The following CAPN3 variants were observed in gnomAD, a reference collection of about 807,000 sequenced individuals.
CAPN3 encodes calpain 3.
CAPN3 carries 88 observed loss-of-function variants against 114.0 expected under a neutral mutation model. The observed-to-expected ratio is 0.77, with a 90% confidence interval of 0.65 to 0.92. CAPN3 has a LOEUF of 0.92. Among genes scored for constraint, CAPN3 ranks in the 40% least tolerant of loss-of-function variants. The probability of loss-of-function intolerance (pLI) is 0.00; values close to 1 mark genes in which losing one functional copy is unlikely to be tolerated. For synonymous variants in CAPN3, 386 were observed against 382.9 expected, an observed-to-expected ratio of 1.01 and a Z score of -0.09; for missense variants, 1,028 against 1,069.0, an observed-to-expected ratio of 0.96 and a Z score of 0.53.
intron 13 of CAPN3, 109 bp downstream of exon 13, chr15:42,403,111 G>C: frequency 1.2e-6 from 1 of 856,670 alleles, no homozygotes; most frequent in Non-Finnish European, 1.9e-6. Context: ...TCCTTCTGCT[G>C]CTCCTGAGCC....
intron 6 of CAPN3, among the ~76,000 whole-genome samples, chr15:42,390,790 G>GTTTTTTTTTTTTTTTTTT (rs373599109): frequency 1.2e-4 from 13 of 110,298 alleles, no homozygotes; most frequent in Non-Finnish European, 1.6e-4. Context: ...TTGTTTTTTT[G>GTTTTTTTTTTTTTTTTTT]TTTTTTTTTT....
At chr15:42,395,354 C>G (rs970940935) in intron 8 of CAPN3, among the ~76,000 whole-genome samples, 1 of 152,132 alleles carries the variant, frequency 6.6e-6, no homozygotes, top group African/African-American at 2.4e-5. Flanking sequence ...CCTAGGCTAC[C>G]CACCTGGGGA....
At chr15:42,374,186 AT>A (rs11341135) in intron 1 of CAPN3, 40,890 of 152,234 alleles carry the variant, frequency 0.27, 7,856 homozygotes, top group African/African-American at 0.54. Flanking sequence ...GAAGAGCTAT[AT>A]TAGGCTCCAG....
chr15:42,402,993 A>T lies in CAPN3; in HGVS notation c.1736A>T (p.Asn579Ile). The change falls in exon 13 of 24, where the codon AAC (asparagine) becomes ATC (isoleucine). Residue 579 changes from asparagine (N) to isoleucine (I), a missense_variant. Coordinates refer to ENST00000397163, the MANE Select transcript of CAPN3 (RefSeq NM_000070.3). ...CTCCGGGTCTTCTCTGAAAAGAGGA[A>T]CCTCTCTGAGTGAGTGCTGGCCCAG... ...FILRVFSEKR[N>I]LSEEVENTIS... 1 of 1,613,710 alleles carries T rather than the reference A, an allele frequency of 6.2e-7. No homozygotes were observed. The highest frequency in any genetic ancestry group is 1.1e-5 in the South Asian group (1 of 91,038).
At chr15:42,370,594 C>T (rs2052918221) in intron 1 of CAPN3, among the ~76,000 whole-genome samples, 1 of 152,126 alleles carries the variant, frequency 6.6e-6, no homozygotes, top group Non-Finnish European at 1.5e-5. Context: ...ACTGTCCTAG[C>T]CACAGAGAGG....
intron 1 of CAPN3, among the ~76,000 whole-genome samples, chr15:42,364,227 G>T (rs1287746609): frequency 6.6e-6 from 1 of 152,106 alleles, no homozygotes; most frequent in African/African-American, 2.4e-5. Flanking sequence ...TAACACTTAG[G>T]TAATCTTGGT....
Position 42,384,525 on chromosome 15 carries a change from A to G in CAPN3, c.352A>G (p.Arg118Gly), listed in dbSNP as rs1566973583. The change falls in exon 2 of 24, where the codon AGA becomes GGA. Residue 118 changes from arginine (R) to glycine (G), a missense_variant. Coordinates refer to ENST00000397163, the MANE Select transcript of CAPN3 (RefSeq NM_000070.3). ...CCGATTTATCATTGATGGAGCCAAC[A>G]GAACTGACATCTGTCAAGGAGAGCT... is the stretch of plus-strand genomic sequence containing the variant. Reference protein sequence around the residue: ...NPRFIIDGANRTDICQGELGD... With the variant: ...NPRFIIDGANGTDICQGELGD... The G allele has an allele frequency of 6.2e-7, 1 of 1,614,062 alleles. No individual in the cohort carries two copies. Among genetic ancestry groups the G allele is most frequent in the East Asian group, 2.2e-5 (1 of 44,880 alleles).
At chr15:42,397,624 A>G (rs534257427) in intron 9 of CAPN3, among the ~76,000 whole-genome samples, 1 of 151,614 alleles carries the variant, frequency 6.6e-6, no homozygotes, top group South Asian at 2.1e-4. Flanking sequence ...AGCCTGGGCG[A>G]CAAGAGAGAC....
At position 42,411,784 on chromosome 15, in the gene CAPN3, C is replaced by T. The variant is rs1353067448; in HGVS notation, c.*11C>T. On this transcript the variant is annotated 3_prime_UTR_variant, in exon 24 of 24. Coordinates refer to ENST00000397163, the MANE Select transcript of CAPN3 (RefSeq NM_000070.3). Reference sequence around the variant, plus strand: ...ACCATGTATGCCTGAACCAGGCTGGCCTCATCCAAAGCCATGCAGGATCAC... The same window carrying T: ...ACCATGTATGCCTGAACCAGGCTGGTCTCATCCAAAGCCATGCAGGATCAC... 7 of 1,610,470 alleles carry T rather than the reference C, an allele frequency of 4.3e-6. No homozygotes were observed. Among genetic ancestry groups the T allele is most frequent in the Non-Finnish European group, 5.9e-6 (7 of 1,178,516 alleles).
At position 42,410,653 on chromosome 15, in the gene CAPN3, A is replaced by G. The variant is rs1396899657; in HGVS notation, c.2250A>G (p.Ala750=). Residue 750 remains alanine (A), a synonymous_variant, in exon 21 of 24, where the codon GCA becomes GCG. Transcript: ENST00000397163. ...GTINSYEMRN[A]VNDAGFHLNN... ...TCAACAGCTACGAGATGCGAAATGCAGTCAACGACGCAGGTGCTGAGAAGG... is the reference window on the plus strand; with the variant it reads ...TCAACAGCTACGAGATGCGAAATGCGGTCAACGACGCAGGTGCTGAGAAGG... 3 of 1,613,736 alleles carry G rather than the reference A, an allele frequency of 1.9e-6. No individual in the cohort carries two copies. The highest frequency in any genetic ancestry group is 2.5e-6 in the Non-Finnish European group (3 of 1,179,780).
intron 8 of CAPN3, among the ~76,000 whole-genome samples, chr15:42,396,266 G>A (rs536579194): frequency 3.0e-4 from 43 of 141,048 alleles, no homozygotes; most frequent in African/African-American, 1.1e-3. Flanking sequence ...TTTTTGAGAC[G>A]GAGTCTCACT....
intron 1 of CAPN3, among the ~76,000 whole-genome samples, chr15:42,369,054 C>G (rs529244459): frequency 9.2e-5 from 14 of 152,240 alleles, no homozygotes; most frequent in African/African-American, 3.4e-4. Flanking sequence ...CAGGAGTACT[C>G]TCTCTTACAG....
chr15:42,398,337 C>T (rs1460934152), intron 9 of CAPN3, among the ~76,000 whole-genome samples: 1 of 152,076 alleles, frequency 6.6e-6, no homozygotes, highest in Admixed American at 6.5e-5. Context: ...GTAATCCCAG[C>T]ACCTTGGGAG....
At chr15:42,371,699 C>T (rs1020227762) in intron 1 of CAPN3, among the ~76,000 whole-genome samples, 4 of 152,180 alleles carry the variant, frequency 2.6e-5, no homozygotes, top group African/African-American at 4.8e-5. Flanking sequence ...CGTGGTGGCT[C>T]ATACCTGTAA....
chr15:42,386,895 T>C (rs570166013), intron 3 of CAPN3, among the ~76,000 whole-genome samples: 2 of 152,286 alleles, frequency 1.3e-5, no homozygotes, highest in East Asian at 1.9e-4. Context: ...TGTGAGGGTC[T>C]CGTAGCTTCC....
chr15:42,411,143 G>A (rs2054212320), intron 22 of CAPN3, 143 bp downstream of exon 22: 2 of 1,008,044 alleles, frequency 2.0e-6, no homozygotes, highest in Non-Finnish European at 3.2e-6. Flanking sequence ...GGATGGCAAA[G>A]GGAGGGTTAC....
intron 1 of CAPN3, among the ~76,000 whole-genome samples, chr15:42,377,197 G>GT (rs1421551101): frequency 6.6e-6 from 1 of 151,974 alleles, no homozygotes. Flanking sequence ...AGGACTTCCA[G>GT]TAGGACACTG....
chr15:42,404,077 C>T lies in CAPN3; in HGVS notation c.1782+300C>T, dbSNP rs188352483. 82 of 536,882 alleles carry T rather than the reference C, an allele frequency of 1.5e-4. No individual in the cohort carries two copies. In the East Asian group the frequency reaches 3.2e-3, roughly 21 times the overall value. The allele number at this position is 536,882 out of a possible 1,614,324, so 33.3% of individuals were successfully genotyped here. On this transcript the variant is annotated intron_variant, in intron 14 of 23. Transcript: ENST00000397163. Reference sequence around the variant, plus strand: ...GGCCACAGGAAGGGATGACAAGAGCCGCAGCGAACACTGGATTCTGAGACT... The same window carrying T: ...GGCCACAGGAAGGGATGACAAGAGCTGCAGCGAACACTGGATTCTGAGACT...
At chr15:42,371,889 A>G (rs984672344) in intron 1 of CAPN3, among the ~76,000 whole-genome samples, 3 of 151,934 alleles carry the variant, frequency 2.0e-5, no homozygotes, top group Admixed American at 6.6e-5. Flanking sequence ...GCTTGAACCC[A>G]GGAGACAGAG....
Sources: gnomAD v4.1 joint callset for allele counts (sites outside exome capture counted in the v4.1 genomes callset) on GRCh38, gnomAD v4.1.1 for gene constraint, MANE v1.5 for transcripts, NCBI Gene and HGNC (gene_info 2026-07-23, HGNC 2026-07-21) for gene names.